The following DNAJC15 variants were observed in gnomAD, a reference collection of about 807,000 sequenced individuals.
The protein encoded by DNAJC15 is DnaJ heat shock protein family (Hsp40) member C15.
Under a neutral mutation model 22.4 loss-of-function variants are expected in DNAJC15, and 27 were observed. The ratio of observed to expected loss-of-function variants is 1.20; its 90% CI spans 0.89 to 1.66. The LOEUF (loss-of-function observed/expected upper bound fraction) is 1.66, where lower values mean the gene tolerates loss of function less well. DNAJC15 is among the 40% of genes most tolerant of loss of function. The pLI, the probability that DNAJC15 is intolerant of heterozygous loss-of-function variation, is 0.00. For missense variants in DNAJC15, 208 were observed against 187.1 expected (o/e 1.11, Z -0.65); for synonymous variants, 79 against 63.2 (o/e 1.25, Z -1.19).
At chr13:43,062,194 C>T (rs1004455570) in intron 1 of DNAJC15, among the ~76,000 whole-genome samples, 32 of 152,126 alleles carry the variant, frequency 2.1e-4, no homozygotes, top group African/African-American at 7.7e-4. Context: ...ATCCAGGTGA[C>T]AGGGCAAGGG....
intron 1 of DNAJC15, among the ~76,000 whole-genome samples, chr13:43,061,281 T>C (rs9533370): frequency 0.24 from 36,317 of 151,964 alleles, 4,801 homozygotes; most frequent in Non-Finnish European, 0.3. Context: ...GTGGGAGTGG[T>C]CAGATGAGAA....
At chr13:43,082,844 C>CTATATATATA (rs3043164) in intron 4 of DNAJC15, among the ~76,000 whole-genome samples, 1 of 124,448 alleles carries the variant, frequency 8.0e-6, no homozygotes, top group South Asian at 2.3e-4. Flanking sequence ...GAACATTCAC[C>CTATATATATA]TATATATATA....
At chr13:43,029,297 C>A (rs563433612) in intron 1 of DNAJC15, among the ~76,000 whole-genome samples, 1 of 152,308 alleles carries the variant, frequency 6.6e-6, no homozygotes, top group South Asian at 2.1e-4. Flanking sequence ...TACGTCTTTC[C>A]TCTCTCCATC....
At position 43,031,058 on chromosome 13, in the gene DNAJC15, G is replaced by A. The variant is rs539795712; in HGVS notation, c.108+7324G>A. ...GAGGTAGCAAATTCAGATGCTTAAA[G>A]GGGGCAGTCACGTGGCACAAATGAG... On this transcript the variant is annotated intron_variant, in intron 1 of 5. Coordinates refer to ENST00000379221, the MANE Select transcript of DNAJC15 (RefSeq NM_013238.3). Among the ~76,000 whole-genome samples the A allele has an allele frequency of 3.1e-4, 47 of 152,278 alleles. No individual in the cohort carries two copies. The South Asian group carries it at 3.3e-3, about 11-fold the overall frequency.
chr13:43,076,078 G>A (rs2040632856), intron 3 of DNAJC15, among the ~76,000 whole-genome samples: 1 of 152,168 alleles, frequency 6.6e-6, no homozygotes, highest in Non-Finnish European at 1.5e-5. Flanking sequence ...GTTAGTATGT[G>A]TGCTTAACCC....
intron 5 of DNAJC15, among the ~76,000 whole-genome samples, chr13:43,094,666 A>G (rs898055420): frequency 1.3e-5 from 2 of 152,144 alleles, no homozygotes; most frequent in Non-Finnish European, 2.9e-5. Context: ...AGAATTTGGT[A>G]TATACTTAGA....
chr13:43,044,496 A>T (rs2040467400), intron 1 of DNAJC15, among the ~76,000 whole-genome samples: 1 of 152,162 alleles, frequency 6.6e-6, no homozygotes, highest in Non-Finnish European at 1.5e-5. Context: ...TTGCAGCAAA[A>T]GGCAGTTAGT....
intron 1 of DNAJC15, among the ~76,000 whole-genome samples, chr13:43,062,158 C>T (rs899868981): frequency 6.6e-6 from 1 of 152,030 alleles, no homozygotes; most frequent in Non-Finnish European, 1.5e-5. Context: ...CACTTAGGGA[C>T]TAGCAGCACT....
At position 43,107,941 on chromosome 13, in the gene DNAJC15, T is replaced by C. The variant is rs969206847; in HGVS notation, c.*693T>C. On this transcript the variant is annotated 3_prime_UTR_variant, in exon 6 of 6. Coordinates refer to ENST00000379221, the MANE Select transcript of DNAJC15 (RefSeq NM_013238.3). ...GTATTTAATTATAGTCTTCCAGTAC[T>C]GTATATTCATTCATTACTCATTCTA... The C allele has an allele frequency of 2.0e-5, 3 of 152,572 alleles. No individual in the cohort carries two copies. The highest frequency in any genetic ancestry group is 7.2e-5 in the African/African-American group (3 of 41,462). 9.5% of individuals were successfully genotyped at this position (152,572 alleles called of 1,614,324 possible). A position where few individuals can be genotyped will look rare whatever the true frequency, so the allele number is the denominator to read the frequency against.
chr13:43,058,583 G>A (rs1199311754), intron 1 of DNAJC15, among the ~76,000 whole-genome samples: 3 of 152,058 alleles, frequency 2.0e-5, no homozygotes, highest in African/African-American at 7.2e-5. Flanking sequence ...CTCCCTGCAT[G>A]CTGCATCTTC....
intron 5 of DNAJC15, among the ~76,000 whole-genome samples, chr13:43,089,810 T>A (rs1304549850): frequency 6.6e-6 from 1 of 152,216 alleles, no homozygotes; most frequent in Non-Finnish European, 1.5e-5. Context: ...CAATCTCTAT[T>A]TTTGATTTTT....
rs563092086 is a variant in DNAJC15 at position 43,068,873 on chromosome 13, T to A, written c.161-57T>A. ...AATACTGTTGCAAGCACTTTGAAGG[T>A]GTTGATTGATTTTGATTATAGAAAA... On this transcript the variant is annotated intron_variant, in intron 2 of 5. Transcript: ENST00000379221. 1.8e-5 allele frequency: 25 copies of A among 1,414,740 alleles called. No individual in the cohort carries two copies. The South Asian group carries it at 2.7e-4, about 15-fold the overall frequency. The allele number at this position is 1,414,740 out of a possible 1,614,324, so 87.6% of individuals were successfully genotyped here. A position where few individuals can be genotyped will look rare whatever the true frequency, so the allele number is the denominator to read the frequency against.
At chr13:43,095,263 T>TA (rs2040734156) in intron 5 of DNAJC15, among the ~76,000 whole-genome samples, 2 of 152,300 alleles carry the variant, frequency 1.3e-5, no homozygotes, top group South Asian at 4.1e-4. Context: ...AAGCAACAGT[T>TA]ACTGCTGCTT....
At chr13:43,104,466 C>A (rs534758429) in intron 5 of DNAJC15, among the ~76,000 whole-genome samples, 1 of 152,120 alleles carries the variant, frequency 6.6e-6, no homozygotes, top group East Asian at 1.9e-4. Context: ...TTTTATTTAG[C>A]TCTTCTAGTT....
chr13:43,082,857 T>TATATAC (rs144193543), intron 4 of DNAJC15, among the ~76,000 whole-genome samples: 11 of 149,574 alleles, frequency 7.4e-5, no homozygotes, highest in East Asian at 2.0e-4. Flanking sequence ...TATATATATA[T>TATATAC]ATACACACAT....
chr13:43,049,288 A>G (rs1293952320), intron 1 of DNAJC15, among the ~76,000 whole-genome samples: 1 of 152,146 alleles, frequency 6.6e-6, no homozygotes, highest in Non-Finnish European at 1.5e-5. Flanking sequence ...TCATTCTGTT[A>G]CTGGCAGTTT....
intron 3 of DNAJC15, among the ~76,000 whole-genome samples, chr13:43,072,380 G>A (rs9533378): frequency 0.25 from 37,275 of 151,994 alleles, 4,940 homozygotes; most frequent in Non-Finnish European, 0.31. Flanking sequence ...TCTGAACAGA[G>A]AGATGAGAAA....
chr13:43,035,058 G>A (rs1193269908), intron 1 of DNAJC15, among the ~76,000 whole-genome samples: 1 of 152,114 alleles, frequency 6.6e-6, no homozygotes, highest in African/African-American at 2.4e-5. Context: ...TAGCTGATGA[G>A]GTAAGAGCAA....
intron 1 of DNAJC15, among the ~76,000 whole-genome samples, chr13:43,064,970 GA>G (rs34236620): frequency 0.31 from 44,191 of 142,360 alleles, 6,449 homozygotes; most frequent in Admixed American, 0.39. Context: ...TGATCATATT[GA>G]AAAAAAAAAA....
Sources: gnomAD v4.1 joint callset for allele counts (sites outside exome capture counted in the v4.1 genomes callset) on GRCh38, gnomAD v4.1.1 for gene constraint, MANE v1.5 for transcripts, NCBI Gene and HGNC (gene_info 2026-07-23, HGNC 2026-07-21) for gene names.